Variants in SLCO3A1 observed in about 807,000 individuals in gnomAD.
The protein encoded by SLCO3A1 is PGE1 transporter.
A neutral mutation model predicts 63.1 loss-of-function variants in SLCO3A1; 27 were observed. The ratio of observed to expected loss-of-function variants is 0.43; its 90% confidence interval spans 0.32 to 0.59. SLCO3A1 has a LOEUF of 0.59. Among genes scored for constraint, SLCO3A1 ranks in the 20% least tolerant of loss-of-function variants. SLCO3A1 has a pLI of 0.09. For synonymous variants in SLCO3A1, 473 were observed against 409.9 expected (o/e 1.15, Z -1.86); for missense variants, 773 against 945.8 (o/e 0.82, Z 2.40).
intron 2 of SLCO3A1, among the ~76,000 whole-genome samples, chr15:92,061,628 G>A (rs2047087329): frequency 1.3e-5 from 2 of 152,230 alleles, no homozygotes; most frequent in African/African-American, 4.8e-5. Context: ...GCTAAGAGGT[G>A]GAGGAGGTGC....
intron 2 of SLCO3A1, among the ~76,000 whole-genome samples, chr15:92,020,802 G>A (rs1268420605): frequency 6.6e-6 from 1 of 152,206 alleles, no homozygotes. Context: ...ACCCAATCCA[G>A]AAGGTAGTAT....
chr15:92,112,635 T>A (rs1439755619), intron 4 of SLCO3A1, among the ~76,000 whole-genome samples: 1 of 152,216 alleles, frequency 6.6e-6, no homozygotes, highest in Admixed American at 6.5e-5. Context: ...GGCCAACAGA[T>A]CAGAGCTGGT....
intron 2 of SLCO3A1, among the ~76,000 whole-genome samples, chr15:91,938,290 T>A (rs1043793297): frequency 1.3e-5 from 2 of 152,034 alleles, no homozygotes; most frequent in Non-Finnish European, 1.5e-5. Context: ...ATAGAGAAGG[T>A]ACTTAGTAAG....
intron 2 of SLCO3A1, among the ~76,000 whole-genome samples, chr15:91,939,349 T>G (rs899831540): frequency 2.0e-5 from 3 of 152,114 alleles, no homozygotes; most frequent in African/African-American, 7.2e-5. Context: ...ACTCCCATAA[T>G]CCAATCACCT....
Position 91,897,826 on chromosome 15 carries a change from A to G in SLCO3A1, c.181-18167A>G, listed in dbSNP as rs1175984942. 6.6e-6 allele frequency among the ~76,000 whole-genome samples: 1 copy of G among 152,194 alleles called. No homozygotes were observed. The highest frequency in any genetic ancestry group is 1.5e-5 in the Non-Finnish European group (1 of 68,030). ...TTTCTGACCTGCTCAGGCATCCTGC[A>G]ATGGATGACATGTGAGCATGAGGAT... On this transcript the variant is annotated intron_variant, in intron 1 of 9. Transcript: ENST00000318445. This position sits in a 1 kb window ranked among gnomAD's most constrained non-coding sequence, Gnocchi z 4.7.
intron 10 of SLCO3A1, chr15:92,171,583 A>G (rs2151609995): frequency 3.7e-6 from 2 of 540,554 alleles, no homozygotes; most frequent in Non-Finnish European, 3.3e-6. Context: ...TTGGCCTTCA[A>G]AAAAGTCTCT....
At chr15:91,910,693 G>T (rs1898457340) in intron 1 of SLCO3A1, among the ~76,000 whole-genome samples, 1 of 152,220 alleles carries the variant, frequency 6.6e-6, no homozygotes, top group Non-Finnish European at 1.5e-5. Context: ...TACACTGATA[G>T]GACCAGGCTG....
At position 91,860,758 on chromosome 15, in the gene SLCO3A1, A is replaced by G. The variant is rs1897028599; in HGVS notation, c.180+6670A>G. On this transcript the variant is annotated intron_variant, in intron 1 of 9. Transcript: ENST00000318445. The surrounding 1 kb of genome is among the most constrained non-coding windows in gnomAD (Gnocchi z 5.5). ...TCGCAGAGCTCAGCCTTGGTTGCCC[A>G]GAGGGGCTCAGGTCTCACGTCTTGT... Among the ~76,000 whole-genome samples, 1 of 152,236 alleles carries G rather than the reference A, an allele frequency of 6.6e-6. No homozygotes were observed. Among genetic ancestry groups the G allele is most frequent in the African/African-American group, 2.4e-5 (1 of 41,474 alleles).
intron 2 of SLCO3A1, among the ~76,000 whole-genome samples, chr15:92,016,679 G>C (rs573756057): frequency 1.3e-5 from 2 of 152,286 alleles, no homozygotes; most frequent in East Asian, 3.9e-4. Flanking sequence ...GGAGGAGAGA[G>C]AATGAATTCC....
intron 9 of SLCO3A1, among the ~76,000 whole-genome samples, chr15:92,157,514 C>A (rs1310991586): frequency 6.9e-6 from 1 of 144,794 alleles, no homozygotes. Flanking sequence ...TTTTTTGAGA[C>A]CAGTCTCAGT....
intron 3 of SLCO3A1, among the ~76,000 whole-genome samples, chr15:92,095,808 A>G (rs996976088): frequency 1.8e-4 from 27 of 152,298 alleles, no homozygotes; most frequent in Admixed American, 1.2e-3. Flanking sequence ...CCCCAGGCCC[A>G]GGCCCACAGA....
intron 9 of SLCO3A1, chr15:92,162,158 T>TG (rs2048447488): frequency 9.1e-6 from 1 of 109,910 alleles, no homozygotes. Flanking sequence ...TTTTTTTTTT[T>TG]GAGATGGAGT....
rs1311929951 is a variant in SLCO3A1, at chr15:91,885,483, GTCACAAA to G, written c.181-30506_181-30500del. 7.2e-5 allele frequency among the ~76,000 whole-genome samples: 11 copies of G among 152,220 alleles called. No homozygotes were observed. Among genetic ancestry groups the G allele is most frequent in the Non-Finnish European group, 1.3e-4 (9 of 68,046 alleles). Reference sequence around the variant, plus strand: ...TGTTCCAGCAGCCAAACTCCAGCATGTCACAAATCATACATTACAGGAAAAGGGAGCC... The same window carrying G: ...TGTTCCAGCAGCCAAACTCCAGCATGTCATACATTACAGGAAAAGGGAGCC... On this transcript the variant is annotated intron_variant, in intron 1 of 9. Coordinates refer to ENST00000318445, the MANE Select transcript of SLCO3A1 (RefSeq NM_013272.4). The surrounding 1 kb of genome is among the most constrained non-coding windows in gnomAD (Gnocchi z 4.7).
chr15:91,997,792 T>C (rs750889757), intron 2 of SLCO3A1, among the ~76,000 whole-genome samples: 4 of 152,212 alleles, frequency 2.6e-5, no homozygotes, highest in African/African-American at 7.2e-5. Context: ...GGTGCTGAGA[T>C]AGCTGATGAG....
chr15:92,024,947 C>T (rs2046553308), intron 2 of SLCO3A1, among the ~76,000 whole-genome samples: 1 of 152,090 alleles, frequency 6.6e-6, no homozygotes, highest in South Asian at 2.1e-4. Context: ...CCACTCATCC[C>T]TCCATCTGTT....
At chr15:91,977,486 C>T (rs1447523410) in intron 2 of SLCO3A1, among the ~76,000 whole-genome samples, 7 of 152,102 alleles carry the variant, frequency 4.6e-5, no homozygotes, top group African/African-American at 1.7e-4. Context: ...AGAATGTGCT[C>T]TAGGAAAGTG....
In SLCO3A1 at chr15:91,948,348, C is replaced by G. The variant is rs560035203; in HGVS notation, c.646+31890C>G. Among the ~76,000 whole-genome samples the G allele has an allele frequency of 6.6e-6, 1 of 152,174 alleles. No individual in the cohort carries two copies. Among genetic ancestry groups the G allele is most frequent in the Non-Finnish European group, 1.5e-5 (1 of 68,038 alleles). On this transcript the variant is annotated intron_variant, in intron 2 of 9. Coordinates refer to ENST00000318445, the MANE Select transcript of SLCO3A1 (RefSeq NM_013272.4). This position sits in a 1 kb window ranked among gnomAD's most constrained non-coding sequence, Gnocchi z 4.8. ...CTGTCCTAGAAGGGCTTCCAGAGCT[C>G]GAGCTGTTGCCAAGTTTAGAAGTGG...
At chr15:92,053,168 G>A (rs1349591403) in intron 2 of SLCO3A1, among the ~76,000 whole-genome samples, 1 of 148,068 alleles carries the variant, frequency 6.8e-6, no homozygotes. Context: ...GGGATGATGA[G>A]CAGGACCAGC....
rs559520234 is a variant in SLCO3A1 at position 91,967,463 on chromosome 15, A to G, written c.646+51005A>G. On this transcript the variant is annotated intron_variant, in intron 2 of 9. Transcript: ENST00000318445. The surrounding 1 kb of genome is among the most constrained non-coding windows in gnomAD (Gnocchi z 4.4). ...CCTCTGGTTATGCTTTTCTTTGGCT[A>G]ATAGTATCATTTGTCTCCCCACCTC... 1.3e-5 allele frequency among the ~76,000 whole-genome samples: 2 copies of G among 152,222 alleles called. No homozygotes were observed. Among genetic ancestry groups the G allele is most frequent in the African/African-American group, 4.8e-5 (2 of 41,450 alleles).
Sources: allele counts gnomAD v4.1 joint callset (sites outside exome capture counted in the v4.1 genomes callset), GRCh38; gene constraint gnomAD v4.1.1; non-coding constraint Gnocchi (gnomAD v3.1); transcripts MANE v1.5; gene names NCBI Gene and HGNC (gene_info 2026-07-23, HGNC 2026-07-21).